Variants in PRKCH observed in about 807,000 individuals in gnomAD.
The protein encoded by PRKCH is protein kinase C eta type.
In PRKCH, 28 loss-of-function variants were observed where a neutral mutation model predicts 82.5. The ratio of observed to expected loss-of-function variants is 0.34; its 90% CI spans 0.25 to 0.47. PRKCH has a LOEUF of 0.47. PRKCH is among the 20% of genes least tolerant of loss of function. The pLI, the probability that PRKCH is intolerant of heterozygous loss-of-function variation, is 1.00. For missense variants in PRKCH, 705 were observed against 881.8 expected (o/e 0.80, Z 2.54); for synonymous variants, 322 against 327.4 (o/e 0.98, Z 0.18).
At chr14:61,520,828 T>G (rs2042895822) in intron 10 of PRKCH, among the ~76,000 whole-genome samples, 1 of 152,250 alleles carries the variant, frequency 6.6e-6, no homozygotes, top group Non-Finnish European at 1.5e-5. Context: ...AAACAGTTTC[T>G]CTACATCTGT....
intron 1 of PRKCH, chr14:61,322,798 T>G: frequency 3.7e-6 from 1 of 270,594 alleles, no homozygotes; most frequent in Non-Finnish European, 7.1e-6. Flanking sequence ...GAGTGATAGG[T>G]AGGAAAGGCA....
chr14:61,285,601 G>T (rs2140095691), intron 1 of PRKCH, among the ~76,000 whole-genome samples: 1 of 152,270 alleles, frequency 6.6e-6, no homozygotes, highest in East Asian at 1.9e-4. Flanking sequence ...CTGTGAATCA[G>T]TACTTACAGT....
At chr14:61,295,296 A>G (rs1270258535) in intron 1 of PRKCH, among the ~76,000 whole-genome samples, 1 of 152,250 alleles carries the variant, frequency 6.6e-6, no homozygotes. Context: ...GTGGTCTCTA[A>G]AGAACTTCCA....
At chr14:61,383,361 C>G (rs992887288) in intron 1 of PRKCH, among the ~76,000 whole-genome samples, 5 of 152,092 alleles carry the variant, frequency 3.3e-5, no homozygotes, top group African/African-American at 1.2e-4. Flanking sequence ...TCAAGGAACT[C>G]TGCGAGGCTC....
At chr14:61,223,626 T>C (rs1011755606) in intron 1 of PRKCH, among the ~76,000 whole-genome samples, 4 of 152,240 alleles carry the variant, frequency 2.6e-5, no homozygotes, top group African/African-American at 4.8e-5. Flanking sequence ...TCTGCATTTA[T>C]TTATTAGGAC....
intron 1 of PRKCH, among the ~76,000 whole-genome samples, chr14:61,234,061 A>C (rs572654752): frequency 6.6e-6 from 1 of 152,348 alleles, no homozygotes; most frequent in East Asian, 1.9e-4. Context: ...CCTCTCCCTC[A>C]ATCCACTCCT....
chr14:61,322,485 C>T (rs201827885), intron 1 of PRKCH, 21 bp downstream of exon 1: 1 of 1,578,282 alleles, frequency 6.3e-7, no homozygotes. Flanking sequence ...GTGACCCCTT[C>T]CCTTTGTGTC....
At chr14:61,404,692 G>C (rs1206779375) in intron 2 of PRKCH, among the ~76,000 whole-genome samples, 1 of 152,214 alleles carries the variant, frequency 6.6e-6, no homozygotes, top group Non-Finnish European at 1.5e-5. Flanking sequence ...AGAGGACAGA[G>C]ATGGGTCCTA....
At chr14:61,496,397 A>G (rs1413596885) in intron 10 of PRKCH, among the ~76,000 whole-genome samples, 3 of 152,174 alleles carry the variant, frequency 2.0e-5, no homozygotes, top group Non-Finnish European at 4.4e-5. Flanking sequence ...ATCCTTTTGA[A>G]TCCATGCAGG....
At chr14:61,445,200 G>A (rs536530583) in intron 3 of PRKCH, among the ~76,000 whole-genome samples, 1 of 152,340 alleles carries the variant, frequency 6.6e-6, no homozygotes, top group African/African-American at 2.4e-5. Context: ...GCATATTGTG[G>A]CAGCAACTCT....
intron 13 of PRKCH, among the ~76,000 whole-genome samples, chr14:61,549,341 C>T (rs914025182): frequency 1.3e-5 from 2 of 152,198 alleles, no homozygotes; most frequent in Admixed American, 6.5e-5. Flanking sequence ...CACCCCTCAG[C>T]GAGGCCTGCT....
At chr14:61,444,121 A>C (rs1884102532) in intron 3 of PRKCH, among the ~76,000 whole-genome samples, 1 of 152,180 alleles carries the variant, frequency 6.6e-6, no homozygotes, top group Admixed American at 6.5e-5. Context: ...TTTGGATTTT[A>C]TATCTTCAAC....
At chr14:61,394,144 A>T (rs140004822) in intron 2 of PRKCH, among the ~76,000 whole-genome samples, 1,667 of 152,220 alleles carry the variant, frequency 0.011, 41 homozygotes, top group African/African-American at 0.038. Flanking sequence ...CTTTCAGCCA[A>T]CCATTCCCAT....
At chr14:61,216,085 G>A (rs1283372323) in intron 1 of PRKCH, among the ~76,000 whole-genome samples, 1 of 152,056 alleles carries the variant, frequency 6.6e-6, no homozygotes, top group Non-Finnish European at 1.5e-5. Flanking sequence ...AGCATTTCTG[G>A]GGCATTTCTC....
At chr14:61,216,231 C>T (rs767755811) in intron 1 of PRKCH, among the ~76,000 whole-genome samples, 13 of 151,948 alleles carry the variant, frequency 8.6e-5, no homozygotes, top group South Asian at 2.1e-4. Flanking sequence ...TTTGGGAGGC[C>T]GAGGAGGGCG....
At chr14:61,304,603 T>C (rs1470973617) in intron 1 of PRKCH, 1 of 151,964 alleles carries the variant, frequency 6.6e-6, no homozygotes, top group Non-Finnish European at 1.5e-5. Flanking sequence ...GGCAGGAGGA[T>C]TGCTTGAACC....
intron 2 of PRKCH, among the ~76,000 whole-genome samples, chr14:61,430,160 G>T (rs1232259386): frequency 6.6e-6 from 1 of 152,170 alleles, no homozygotes; most frequent in East Asian, 1.9e-4. Context: ...ATGAGCAAAA[G>T]ATTTGAACAG....
At chr14:61,292,581 C>G (rs2045373017) in intron 1 of PRKCH, among the ~76,000 whole-genome samples, 2 of 151,916 alleles carry the variant, frequency 1.3e-5, no homozygotes, top group Admixed American at 1.3e-4. Flanking sequence ...TCAAGACCAG[C>G]CTGATGGGGT....
chr14:61,478,609 G>A (rs188319632), intron 9 of PRKCH, among the ~76,000 whole-genome samples: 43 of 152,192 alleles, frequency 2.8e-4, no homozygotes, highest in Non-Finnish European at 4.3e-4. Flanking sequence ...GGTTGCTCAC[G>A]CCTGTAATCC....
Sources: gnomAD v4.1 joint callset for allele counts (sites outside exome capture counted in the v4.1 genomes callset) on GRCh38, gnomAD v4.1.1 for gene constraint, MANE v1.5 for transcripts, NCBI Gene and HGNC (gene_info 2026-07-23, HGNC 2026-07-21) for gene names.